The following NOTCH2 variants were observed in gnomAD, a reference collection of about 807,000 sequenced individuals.
NOTCH2 encodes the protein neurogenic locus notch homolog protein 2.
NOTCH2 carries 29 observed loss-of-function variants against 235.8 expected under a neutral mutation model. The ratio of observed to expected loss-of-function variants is 0.12; its 90% CI spans 0.09 to 0.17. The LOEUF (loss-of-function observed/expected upper bound fraction) is 0.17, where lower values mean the gene tolerates loss of function less well. Ranked by LOEUF, NOTCH2 falls within the 10% of genes least tolerant of loss-of-function variation. The pLI, the probability that NOTCH2 is intolerant of heterozygous loss-of-function variation, is 1.00. For synonymous variants in NOTCH2, 1,086 were observed against 1,141.5 expected, an observed-to-expected ratio of 0.95 and a Z score of 0.98; for missense variants, 2,285 against 3,150.2, an observed-to-expected ratio of 0.73 and a Z score of 6.57.
intron 2 of NOTCH2, among the ~76,000 whole-genome samples, chr1:120,008,959 A>T (rs1260359202): frequency 4.6e-5 from 7 of 151,810 alleles, no homozygotes; most frequent in Non-Finnish European, 7.4e-5. Flanking sequence ...GCTGGGGATG[A>T]GGGTGTGGGG....
chr1:119,941,068 CAATTT>C (rs1258956335), intron 18 of NOTCH2, among the ~76,000 whole-genome samples: 3 of 152,104 alleles, frequency 2.0e-5, no homozygotes, highest in Admixed American at 6.5e-5. Context: ...ATCTCTAAGT[CAATTT>C]AATTTATTTG....
At position 119,915,267 on chromosome 1, in the gene NOTCH2, C is replaced by T. The variant is rs1553193430; in HGVS notation, c.*39G>A. 1.9e-6 allele frequency: 3 copies of T among 1,604,764 alleles called. No individual in the cohort carries two copies. Among genetic ancestry groups the T allele is most frequent in the Non-Finnish European group, 2.6e-6 (3 of 1,174,492 alleles). Reference sequence around the variant, plus strand: ...TTCATTTGTTCCTCAGCAGCATTTACAAAAGTCAGTTATGTCTCTACACTG... The same window carrying T: ...TTCATTTGTTCCTCAGCAGCATTTATAAAAGTCAGTTATGTCTCTACACTG... On this transcript the variant is annotated 3_prime_UTR_variant, in exon 34 of 34. Transcript: ENST00000256646.
intron 2 of NOTCH2, among the ~76,000 whole-genome samples, chr1:120,027,919 T>C (rs1253887741): frequency 2.1e-5 from 3 of 142,798 alleles, no homozygotes; most frequent in Non-Finnish European, 3.0e-5. Flanking sequence ...CTACTGTAAA[T>C]AGTGCTGCAG....
chr1:119,983,817 C>T (rs587685417), intron 5 of NOTCH2, among the ~76,000 whole-genome samples: 79 of 152,196 alleles, frequency 5.2e-4, no homozygotes, highest in Admixed American at 1.6e-3. Context: ...AAAACAAAGC[C>T]GTAACTATCA....
At chr1:119,922,119 G>T in intron 28 of NOTCH2, 117 bp downstream of exon 28, 2 of 1,149,834 alleles carry the variant, frequency 1.7e-6, no homozygotes, top group Non-Finnish European at 2.6e-6. Flanking sequence ...TTAGAATCAT[G>T]GTCAATGTGA....
Position 119,925,561 on chromosome 1 carries a change from T to C in NOTCH2, c.4255A>G (p.Ser1419Gly). ...CTCAGACAGGTGGCAGGAGGGGTGC[T>C]GGGGGGTGCCGTGTAGAGTTCACAG... is the stretch of plus-strand genomic sequence containing the variant. ...SRCELYTAPP[S>G]TPPATCLSQY... Residue 1419 changes from serine to glycine, a missense_variant, in exon 25 of 34, where the codon AGC becomes GGC. This residue lies in a region of NOTCH2 where 1,173 missense variants were observed against 1,515.3 expected (regional missense o/e 0.77). Transcript: ENST00000256646. 1.2e-6 allele frequency: 2 copies of C among 1,613,984 alleles called. No homozygotes were observed. Among genetic ancestry groups the C allele is most frequent in the African/African-American group, 2.7e-5 (2 of 75,008 alleles).
At position 119,967,530 on chromosome 1, in the gene NOTCH2, A is replaced by G. The variant is rs782283435; in HGVS notation, c.1356T>C (p.Arg452=). 5 of 1,613,978 alleles carry G rather than the reference A, an allele frequency of 3.1e-6. No individual in the cohort carries two copies. The highest frequency in any genetic ancestry group is 1.1e-5 in the South Asian group (1 of 91,084). Residue 452 remains arginine, a synonymous_variant, in exon 8 of 34, where the codon CGT becomes CGC. Coordinates refer to ENST00000256646, the MANE Select transcript of NOTCH2 (RefSeq NM_024408.4). Reference sequence around the variant, plus strand: ...GGCACTCATTGATGTCCATCTCACAACGAGGTCCTGCATAACCCTTCAGAC... The same window carrying G: ...GGCACTCATTGATGTCCATCTCACAGCGAGGTCCTGCATAACCCTTCAGAC... The part of the protein sequence containing the change: ...CECLKGYAGP[R]CEMDINECHS...
chr1:119,922,524 G>A, intron 27 of NOTCH2, 78 bp from the exon 28 acceptor site: 1 of 1,588,998 alleles, frequency 6.3e-7, no homozygotes, highest in South Asian at 1.1e-5. Flanking sequence ...CATTTAGAGG[G>A]CAACTTTGAC....
At chr1:119,947,539 C>G (rs1650303907) in intron 17 of NOTCH2, among the ~76,000 whole-genome samples, 1 of 152,176 alleles carries the variant, frequency 6.6e-6, no homozygotes, top group Non-Finnish European at 1.5e-5. Flanking sequence ...TCAAACAGAA[C>G]TTTCATACAA....
chr1:120,012,149 CA>C (rs587765515), intron 2 of NOTCH2, among the ~76,000 whole-genome samples: 183 of 126,312 alleles, frequency 1.4e-3, no homozygotes, highest in African/African-American at 5.4e-3. Flanking sequence ...TCCAGTTCAT[CA>C]AAAACCTCTT....
chr1:120,038,475 T>TAA, intron 1 of NOTCH2, among the ~76,000 whole-genome samples: 1 of 132,772 alleles, frequency 7.5e-6, no homozygotes, highest in Non-Finnish European at 1.5e-5. Context: ...CCTAAGTAGA[T>TAA]GTATTATAAG....
At chr1:119,958,769 CAT>C (rs1351586248) in intron 12 of NOTCH2, among the ~76,000 whole-genome samples, 1 of 151,756 alleles carries the variant, frequency 6.6e-6, no homozygotes, top group Non-Finnish European at 1.5e-5. Context: ...TGTACACGCA[CAT>C]GTGTGTATGT....
At chr1:119,949,223 C>T (rs1650369863) in intron 15 of NOTCH2, 97 bp from the exon 16 acceptor site, 1 of 1,299,240 alleles carries the variant, frequency 7.7e-7, no homozygotes, top group Admixed American at 1.7e-5. Flanking sequence ...AGTCAAAAGT[C>T]CTGATTAAGA....
At position 119,981,665 on chromosome 1, in the gene NOTCH2, G is replaced by A. The variant is rs148323954; in HGVS notation, c.874+5295C>T. On this transcript the variant is annotated intron_variant, in intron 5 of 33. Transcript: ENST00000256646. Reference sequence around the variant, plus strand: ...ACTCGTCCTTGTTTCCACCAACAGCGCCACTAATCAACTCTGGGACATCTG... The same window carrying A: ...ACTCGTCCTTGTTTCCACCAACAGCACCACTAATCAACTCTGGGACATCTG... Among the ~76,000 whole-genome samples the A allele has an allele frequency of 2.0e-4, 31 of 152,204 alleles. No homozygotes were observed. The East Asian group carries it at 3.5e-3, about 17-fold the overall frequency.
At chr1:119,939,425 C>G (rs1219273268) in intron 19 of NOTCH2, among the ~76,000 whole-genome samples, 1 of 152,224 alleles carries the variant, frequency 6.6e-6, no homozygotes, top group African/African-American at 2.4e-5. Flanking sequence ...AGCTGTCAGA[C>G]AGGTTCATAC....
chr1:119,913,645 C>A lies in NOTCH2; in HGVS notation c.*1661G>T. On this transcript the variant is annotated 3_prime_UTR_variant, in exon 34 of 34. Coordinates refer to ENST00000256646, the MANE Select transcript of NOTCH2 (RefSeq NM_024408.4). ...CTTAAAAGAAAGTCAAAGAAATTGCCAAGAGCATGAATACAGAGAGTGGAT... is the reference window on the plus strand; with the variant it reads ...CTTAAAAGAAAGTCAAAGAAATTGCAAAGAGCATGAATACAGAGAGTGGAT... The A allele has an allele frequency of 4.3e-6, 1 of 233,184 alleles. No homozygotes were observed. Among genetic ancestry groups the A allele is most frequent in the Non-Finnish European group, 8.5e-6 (1 of 118,018 alleles). 14.4% of individuals were successfully genotyped at this position (233,184 alleles called of 1,614,324 possible).
intron 5 of NOTCH2, among the ~76,000 whole-genome samples, chr1:119,971,892 G>GT (rs1316770010): frequency 6.6e-6 from 1 of 152,120 alleles, no homozygotes; most frequent in African/African-American, 2.4e-5. Flanking sequence ...AAACGAGGCT[G>GT]TGTCAACTGC....
At chr1:119,985,281 A>C (rs1011350353) in intron 5 of NOTCH2, among the ~76,000 whole-genome samples, 1 of 152,204 alleles carries the variant, frequency 6.6e-6, no homozygotes, top group African/African-American at 2.4e-5. Context: ...TCTAAATGAC[A>C]GACAGCAAAT....
At chr1:119,963,166 A>AGAAGGAAGGAAGGAAGGAAG (rs782001960) in intron 11 of NOTCH2, among the ~76,000 whole-genome samples, 10 of 93,528 alleles carry the variant, frequency 1.1e-4, no homozygotes, top group Non-Finnish European at 2.2e-4. Context: ...GAAGAAGGGA[A>AGAAGGAAGGAAGGAAGGAAG]GAAGGAAGGT....
Sources: allele counts gnomAD v4.1 joint callset (sites outside exome capture counted in the v4.1 genomes callset), GRCh38; gene constraint gnomAD v4.1.1; regional missense constraint gnomAD v4.1.1; transcripts MANE v1.5; gene names NCBI Gene and HGNC (gene_info 2026-07-23, HGNC 2026-07-21).